The following KCND2 variants were observed in gnomAD, a reference collection of about 807,000 sequenced individuals.
KCND2 encodes potassium voltage-gated channel subfamily D member 2, also known as A-type voltage-gated potassium channel KCND2.
KCND2 carries 16 observed loss-of-function variants against 54.4 expected under a neutral mutation model. The ratio of observed to expected loss-of-function variants is 0.29; its 90% confidence interval spans 0.20 to 0.45. KCND2 has a LOEUF of 0.45. Ranked by LOEUF, KCND2 falls within the 20% of genes least tolerant of loss-of-function variation. The pLI, the probability that KCND2 is intolerant of heterozygous loss-of-function variation, is 1.00. For synonymous variants in KCND2, 317 were observed against 310.7 expected (o/e 1.02, Z -0.21); for missense variants, 486 against 824.2 (o/e 0.59, Z 5.02).
chr7:120,616,024 T>C (rs945450036), intron 1 of KCND2, among the ~76,000 whole-genome samples: 4 of 152,200 alleles, frequency 2.6e-5, no homozygotes, highest in African/African-American at 9.7e-5. Flanking sequence ...AGGGCAGTGT[T>C]AGTTACTTTT....
intron 1 of KCND2, among the ~76,000 whole-genome samples, chr7:120,315,883 A>C (rs1023568779): frequency 1.3e-5 from 2 of 151,658 alleles, no homozygotes; most frequent in African/African-American, 4.8e-5. Flanking sequence ...AACTGATGAA[A>C]ATTGAAGGTG....
Position 120,398,354 on chromosome 7 carries a change from T to C in KCND2, c.1115+122607T>C, listed in dbSNP as rs116016519. Among the ~76,000 whole-genome samples the C allele has an allele frequency of 5.0e-3, 753 of 152,064 alleles. 7 individuals carry two copies. Among genetic ancestry groups the C allele is most frequent in the African/African-American group, 0.017 (715 of 41,520 alleles). On this transcript the variant is annotated intron_variant, in intron 1 of 5. Coordinates refer to ENST00000331113, the MANE Select transcript of KCND2 (RefSeq NM_012281.3). Reference sequence around the variant, plus strand: ...TTAATTCATTCACCTTTTTAAAAAATTATTTACTGAGCACCTACTATTTTC... The same window carrying C: ...TTAATTCATTCACCTTTTTAAAAAACTATTTACTGAGCACCTACTATTTTC...
chr7:120,488,581 C>A (rs1207231179), intron 1 of KCND2, among the ~76,000 whole-genome samples: 1 of 151,956 alleles, frequency 6.6e-6, no homozygotes, highest in Non-Finnish European at 1.5e-5. Context: ...AATATATTAT[C>A]GTAACCACAA....
intron 1 of KCND2, among the ~76,000 whole-genome samples, chr7:120,526,173 T>C (rs1190372914): frequency 6.6e-6 from 1 of 152,212 alleles, no homozygotes; most frequent in Non-Finnish European, 1.5e-5. Flanking sequence ...TGAATTTTCA[T>C]GTACAATTCA....
At chr7:120,314,787 C>T (rs1054848724) in intron 1 of KCND2, among the ~76,000 whole-genome samples, 1 of 152,058 alleles carries the variant, frequency 6.6e-6, no homozygotes, top group African/African-American at 2.4e-5. Context: ...ATAGTAGTCT[C>T]TACATAGATG....
intron 1 of KCND2, among the ~76,000 whole-genome samples, chr7:120,613,125 T>C (rs2116489358): frequency 6.6e-6 from 1 of 151,866 alleles, no homozygotes; most frequent in East Asian, 1.9e-4. Context: ...GATTAGGGCA[T>C]GTCTACTAGC....
chr7:120,467,473 C>T (rs1370910500), intron 1 of KCND2, among the ~76,000 whole-genome samples: 2 of 152,036 alleles, frequency 1.3e-5, no homozygotes, highest in Non-Finnish European at 2.9e-5. Context: ...TGGAGGCCAT[C>T]AGGTGTTCTT....
chr7:120,280,502 T>C (rs1799244311), intron 1 of KCND2, among the ~76,000 whole-genome samples: 1 of 151,786 alleles, frequency 6.6e-6, no homozygotes, highest in African/African-American at 2.4e-5. Flanking sequence ...TATTTTTAAT[T>C]TTCCTTTAGA....
chr7:120,542,851 C>G (rs1791995618), intron 1 of KCND2, among the ~76,000 whole-genome samples: 1 of 152,100 alleles, frequency 6.6e-6, no homozygotes, highest in Non-Finnish European at 1.5e-5. Context: ...TTATTGCTCA[C>G]TTGCTATCAG....
intron 1 of KCND2, among the ~76,000 whole-genome samples, chr7:120,373,078 C>G (rs996491961): frequency 1.3e-5 from 2 of 151,826 alleles, no homozygotes; most frequent in Non-Finnish European, 2.9e-5. Flanking sequence ...TCAGAATGTT[C>G]CTATTCATTG....
intron 1 of KCND2, among the ~76,000 whole-genome samples, chr7:120,644,360 A>C (rs1281266080): frequency 6.6e-6 from 1 of 152,184 alleles, no homozygotes; most frequent in Non-Finnish European, 1.5e-5. Flanking sequence ...CTACAAAATA[A>C]GATTTAACAA....
At chr7:120,460,678 C>T (rs1024121510) in intron 1 of KCND2, among the ~76,000 whole-genome samples, 2 of 150,982 alleles carry the variant, frequency 1.3e-5, no homozygotes, top group East Asian at 3.9e-4. Flanking sequence ...ATAAAAACAG[C>T]TTGTGAAGGT....
chr7:120,385,364 C>A (rs957779690), intron 1 of KCND2, among the ~76,000 whole-genome samples: 1 of 151,900 alleles, frequency 6.6e-6, no homozygotes, highest in African/African-American at 2.4e-5. Flanking sequence ...GCATAAATTC[C>A]TTATATGTCT....
chr7:120,535,946 A>G (rs944148990), intron 1 of KCND2, among the ~76,000 whole-genome samples: 1 of 152,088 alleles, frequency 6.6e-6, no homozygotes, highest in African/African-American at 2.4e-5. Flanking sequence ...AAAGAAATGC[A>G]AGCCACTAAT....
chr7:120,689,722 A>G (rs921889258), intron 1 of KCND2, among the ~76,000 whole-genome samples: 1 of 152,226 alleles, frequency 6.6e-6, no homozygotes, highest in Non-Finnish European at 1.5e-5. Flanking sequence ...GCATAAGCCC[A>G]GTTCCTTTTG....
intron 1 of KCND2, among the ~76,000 whole-genome samples, chr7:120,531,775 C>T (rs1791846165): frequency 6.6e-6 from 1 of 152,078 alleles, no homozygotes; most frequent in South Asian, 2.1e-4. Flanking sequence ...ACTTTATATA[C>T]TTGTCTTCTA....
At chr7:120,511,118 T>C (rs766999465) in intron 1 of KCND2, among the ~76,000 whole-genome samples, 22 of 151,924 alleles carry the variant, frequency 1.4e-4, no homozygotes, top group Non-Finnish European at 3.1e-4. Context: ...TTTTTGTACA[T>C]GTCATGAACA....
chr7:120,353,820 C>T (rs148320155), intron 1 of KCND2, among the ~76,000 whole-genome samples: 1 of 152,108 alleles, frequency 6.6e-6, no homozygotes, highest in Non-Finnish European at 1.5e-5. Flanking sequence ...AGTGATGCTA[C>T]AAAGCAATAG....
intron 1 of KCND2, among the ~76,000 whole-genome samples, chr7:120,495,187 A>G (rs557466709): frequency 6.6e-6 from 1 of 152,298 alleles, no homozygotes; most frequent in Admixed American, 6.5e-5. Flanking sequence ...TACATTTTAT[A>G]AAAGCTAACA....
Sources: allele counts gnomAD v4.1 joint callset (sites outside exome capture counted in the v4.1 genomes callset), GRCh38; gene constraint gnomAD v4.1.1; transcripts MANE v1.5; gene names NCBI Gene and HGNC (gene_info 2026-07-23, HGNC 2026-07-21).